The following HDAC4 variants were observed in gnomAD, a reference collection of about 807,000 sequenced individuals.
HDAC4 encodes histone deacetylase 4.
A neutral mutation model predicts 135.1 loss-of-function variants in HDAC4; 16 were observed. That is an observed-to-expected ratio of 0.12 (90% CI 0.08 to 0.18). The LOEUF (loss-of-function observed/expected upper bound fraction) is 0.18. HDAC4 is among the 10% of genes least tolerant of loss of function. The probability of loss-of-function intolerance (pLI) is 1.00; values close to 1 mark genes in which losing one functional copy is unlikely to be tolerated. For missense variants in HDAC4, 1,143 were observed against 1,511.8 expected, an observed-to-expected ratio of 0.76 and a Z score of 4.05; for synonymous variants, 685 against 653.4, an observed-to-expected ratio of 1.05 and a Z score of -0.74.
At position 239,306,764 on chromosome 2, in the gene HDAC4, C is replaced by T. The variant is rs557976667; in HGVS notation, c.22+45914G>A. On this transcript the variant is annotated intron_variant, in intron 2 of 26. Transcript: ENST00000543185. This position sits in a 1 kb window ranked among gnomAD's most constrained non-coding sequence, Gnocchi z 4.5. ...GGGGTAGGGGGTGAATGCTAAGGGG[C>T]GAAGGCAGGACCCCACCCCAGCCAA... 5.2e-4 allele frequency among the ~76,000 whole-genome samples: 79 copies of T among 152,012 alleles called. No homozygotes were observed. Among genetic ancestry groups the T allele is most frequent in the African/African-American group, 1.8e-3 (73 of 41,460 alleles).
chr2:239,349,632 C>T lies in HDAC4; in HGVS notation c.22+3046G>A, dbSNP rs1426511170. On this transcript the variant is annotated intron_variant, in intron 2 of 26. Coordinates refer to ENST00000543185, the MANE Select transcript of HDAC4 (RefSeq NM_001378414.1). The surrounding 1 kb of genome is among the most constrained non-coding windows in gnomAD (Gnocchi z 5.7). Reference sequence around the variant, plus strand: ...GGCAAGCCCCATCCCCCGCCTGAGACGTGGGCAGAGGCCGCTGGGCCACCA... The same window carrying T: ...GGCAAGCCCCATCCCCCGCCTGAGATGTGGGCAGAGGCCGCTGGGCCACCA... 2.6e-5 allele frequency among the ~76,000 whole-genome samples: 4 copies of T among 152,236 alleles called. No homozygotes were observed. The highest frequency in any genetic ancestry group is 2.1e-4 in the South Asian group (1 of 4,830).
At chr2:239,065,261 G>A (rs1429095325) in intron 24 of HDAC4, among the ~76,000 whole-genome samples, 1 of 152,224 alleles carries the variant, frequency 6.6e-6, no homozygotes, top group Non-Finnish European at 1.5e-5. Flanking sequence ...ACCTGTAAGT[G>A]TGTGACCGCC....
intron 2 of HDAC4, among the ~76,000 whole-genome samples, chr2:239,286,328 T>C (rs1045586425): frequency 3.4e-4 from 51 of 152,056 alleles, no homozygotes; most frequent in Admixed American, 2.0e-3. Context: ...ATAAATGCCA[T>C]GCAAAAATAA....
intron 2 of HDAC4, among the ~76,000 whole-genome samples, chr2:239,277,469 A>G (rs2050435461): frequency 6.6e-6 from 1 of 152,148 alleles, no homozygotes; most frequent in Admixed American, 6.5e-5. Flanking sequence ...AGGAAGGAAC[A>G]TGTTTATGGT....
chr2:239,348,078 G>C (rs939469920), intron 2 of HDAC4, among the ~76,000 whole-genome samples: 2 of 139,004 alleles, frequency 1.4e-5, no homozygotes, highest in Non-Finnish European at 3.0e-5. Context: ...CCACAGACAC[G>C]TCCCAGCAAA....
chr2:239,314,773 A>T (rs1159951526), intron 2 of HDAC4, among the ~76,000 whole-genome samples: 1 of 152,236 alleles, frequency 6.6e-6, no homozygotes, highest in Non-Finnish European at 1.5e-5. Flanking sequence ...CTGGAAGGAC[A>T]GAGGAAGATA....
chr2:239,306,428 T>C lies in HDAC4; in HGVS notation c.22+46250A>G, dbSNP rs2052586942. 6.6e-6 allele frequency among the ~76,000 whole-genome samples: 1 copy of C among 152,070 alleles called. No homozygotes were observed. The highest frequency in any genetic ancestry group is 1.5e-5 in the Non-Finnish European group (1 of 67,998). On this transcript the variant is annotated intron_variant, in intron 2 of 26. Transcript: ENST00000543185. This position sits in a 1 kb window ranked among gnomAD's most constrained non-coding sequence, Gnocchi z 4.5. Reference sequence around the variant, plus strand: ...CAGGCCCCATCCACGGATGTGTCCCTGCCCAGGTGCCAGCAAGGACTGACT... The same window carrying C: ...CAGGCCCCATCCACGGATGTGTCCCCGCCCAGGTGCCAGCAAGGACTGACT...
intron 4 of HDAC4, among the ~76,000 whole-genome samples, chr2:239,189,266 C>G (rs1255572925): frequency 6.6e-6 from 1 of 152,154 alleles, no homozygotes; most frequent in Non-Finnish European, 1.5e-5. Context: ...TATAACTTTG[C>G]TACATATCAC....
At chr2:239,273,801 G>A (rs755643501) in intron 2 of HDAC4, among the ~76,000 whole-genome samples, 2 of 152,226 alleles carry the variant, frequency 1.3e-5, no homozygotes, top group African/African-American at 2.4e-5. Context: ...GGGAGGAAAC[G>A]GCTGTGTCCA....
Position 239,262,772 on chromosome 2 carries a change from C to T in HDAC4, c.23-26108G>A, listed in dbSNP as rs1192521282. 3.9e-5 allele frequency among the ~76,000 whole-genome samples: 6 copies of T among 152,218 alleles called. No homozygotes were observed. The highest frequency in any genetic ancestry group is 4.1e-4 in the South Asian group (2 of 4,830). ...CACGCTCGCAGCCCAAGAACACAGACGAGGAGGCCTGTGCTCAGGCACTAA... is the reference window on the plus strand; with the variant it reads ...CACGCTCGCAGCCCAAGAACACAGATGAGGAGGCCTGTGCTCAGGCACTAA... On this transcript the variant is annotated intron_variant, in intron 2 of 26. Coordinates refer to ENST00000543185, the MANE Select transcript of HDAC4 (RefSeq NM_001378414.1). This position sits in a 1 kb window ranked among gnomAD's most constrained non-coding sequence, Gnocchi z 4.1.
In HDAC4 at chr2:239,144,086, G is replaced by A. The variant is rs546929164; in HGVS notation, c.865+497C>T. On this transcript the variant is annotated intron_variant, in intron 8 of 26. Coordinates refer to ENST00000543185, the MANE Select transcript of HDAC4 (RefSeq NM_001378414.1). ...CACTAGATGGGGCCAACCGTGACACGTCACTAGGGCCAAGCTGAAGCAACT... is the reference window on the plus strand; with the variant it reads ...CACTAGATGGGGCCAACCGTGACACATCACTAGGGCCAAGCTGAAGCAACT... Among the ~76,000 whole-genome samples, 4 of 152,250 alleles carry A rather than the reference G, an allele frequency of 2.6e-5. No homozygotes were observed. The South Asian group carries it at 6.2e-4, about 24-fold the overall frequency.
At chr2:239,264,734 G>A (rs180814662) in intron 2 of HDAC4, among the ~76,000 whole-genome samples, 3 of 152,182 alleles carry the variant, frequency 2.0e-5, no homozygotes, top group Admixed American at 1.3e-4. Flanking sequence ...GCATTTCTTG[G>A]GGGGAGGCTC....
At chr2:239,298,129 A>G in intron 2 of HDAC4, 1 of 1,116,708 alleles carries the variant, frequency 9.0e-7, no homozygotes. Flanking sequence ...GGACTAAAAC[A>G]TAAACAAGAA....
intron 3 of HDAC4, among the ~76,000 whole-genome samples, chr2:239,212,981 C>A (rs1366959049): frequency 6.6e-6 from 1 of 152,240 alleles, no homozygotes; most frequent in East Asian, 1.9e-4. Flanking sequence ...CCCCTCTAGC[C>A]TCTGTACCCA....
rs1044393185 is a variant in HDAC4, at chr2:239,141,687, C to T, written c.866-1891G>A. ...TGATGTCAAGCTGTCTCCAGCTACA[C>T]ACCAAGATCCAGCAGATCTTCCCTG... On this transcript the variant is annotated intron_variant, in intron 8 of 26. Transcript: ENST00000543185. The surrounding 1 kb of genome is among the most constrained non-coding windows in gnomAD (Gnocchi z 4.9). Among the ~76,000 whole-genome samples the T allele has an allele frequency of 1.3e-5, 2 of 152,202 alleles. No homozygotes were observed. Among genetic ancestry groups the T allele is most frequent in the Non-Finnish European group, 2.9e-5 (2 of 68,034 alleles).
At chr2:239,179,262 C>T (rs1001423571) in intron 4 of HDAC4, among the ~76,000 whole-genome samples, 15 of 152,232 alleles carry the variant, frequency 9.9e-5, no homozygotes, top group African/African-American at 3.4e-4. Flanking sequence ...GTGTATTCTT[C>T]AATCCCTCTA....
chr2:239,169,233 A>C (rs2043298177), intron 5 of HDAC4, among the ~76,000 whole-genome samples: 1 of 152,198 alleles, frequency 6.6e-6, no homozygotes, highest in Non-Finnish European at 1.5e-5. Flanking sequence ...CCCTACTCCA[A>C]AGAAAAATAC....
chr2:239,294,012 C>T (rs1307415780), intron 2 of HDAC4, among the ~76,000 whole-genome samples: 1 of 152,206 alleles, frequency 6.6e-6, no homozygotes, highest in Non-Finnish European at 1.5e-5. Flanking sequence ...TTAACAGAGA[C>T]ATTTCTAGAG....
intron 5 of HDAC4, among the ~76,000 whole-genome samples, chr2:239,173,527 CA>C (rs1359638999): frequency 1.3e-5 from 2 of 152,036 alleles, no homozygotes; most frequent in African/African-American, 4.8e-5. Flanking sequence ...TAGCACCTGT[CA>C]AAAACAAGTA....
Sources: allele counts gnomAD v4.1 joint callset (sites outside exome capture counted in the v4.1 genomes callset), GRCh38; gene constraint gnomAD v4.1.1; non-coding constraint Gnocchi (gnomAD v3.1); transcripts MANE v1.5; gene names NCBI Gene and HGNC (gene_info 2026-07-23, HGNC 2026-07-21).